Variants in CHLSN observed in about 807,000 individuals in gnomAD.
CHLSN encodes protein cholesin.
At chr7:1,076,788 G>A in the CHLSN span, among the ~76,000 whole-genome samples, 3 of 152,256 alleles carry the variant, frequency 2.0e-5, no homozygotes, top group Non-Finnish European at 4.4e-5. Flanking sequence ...AGCCGGGGGA[G>A]GAGAGCATGG....
chr7:1,091,965 G>C, the CHLSN span: 193 of 1,613,958 alleles, frequency 1.2e-4, 2 homozygotes, highest in South Asian at 2.0e-3. Context: ...GCAACATCCT[G>C]ATCCTGGTGG....
chr7:1,109,957 G>A, the CHLSN span, among the ~76,000 whole-genome samples: 2 of 152,182 alleles, frequency 1.3e-5, no homozygotes, highest in African/African-American at 4.8e-5. Flanking sequence ...GCGCAGCCTC[G>A]CCGGGCCGTG....
chr7:1,042,385 C>T, the CHLSN span, among the ~76,000 whole-genome samples: 16,257 of 152,288 alleles, frequency 0.11, 1,151 homozygotes, highest in Middle Eastern at 0.2. Flanking sequence ...CAGGGCCACA[C>T]GCCCCCCTAC....
At chr7:1,088,936 G>A in the CHLSN span, among the ~76,000 whole-genome samples, 2,531 of 152,046 alleles carry the variant, frequency 0.017, 91 homozygotes, top group East Asian at 0.17. This position sits in a 1 kb window ranked among gnomAD's most constrained non-coding sequence, Gnocchi z 4.5. Flanking sequence ...GTCTGGCAAC[G>A]ATCAAAAGAC....
the CHLSN span, among the ~76,000 whole-genome samples, chr7:1,054,241 C>T: frequency 6.6e-6 from 1 of 152,226 alleles, no homozygotes. Context: ...ACCTTCCAAC[C>T]GGCGGAGAGT....
chr7:1,055,278 G>A, the CHLSN span: 1 of 471,204 alleles, frequency 2.1e-6, no homozygotes, highest in South Asian at 1.5e-5. Flanking sequence ...ACTTACCAGA[G>A]GAAAACAAGT....
At chr7:1,072,918 A>G in the CHLSN span, among the ~76,000 whole-genome samples, 5 of 152,200 alleles carry the variant, frequency 3.3e-5, no homozygotes, top group East Asian at 7.7e-4. Context: ...TCCTGGCCTC[A>G]AGTGAGCCAC....
At chr7:1,085,226 A>C in the CHLSN span, among the ~76,000 whole-genome samples, 1 of 152,228 alleles carries the variant, frequency 6.6e-6, no homozygotes, top group South Asian at 2.1e-4. Flanking sequence ...ATTCCCCTTG[A>C]AGTTCTTTCC....
At chr7:985,380 A>G in the CHLSN span, 1 of 1,524,526 alleles carries the variant, frequency 6.6e-7, no homozygotes, top group Non-Finnish European at 8.8e-7. Context: ...ATGGGCGTGC[A>G]GCAGGAGGAC....
At chr7:1,089,936 T>A in the CHLSN span, among the ~76,000 whole-genome samples, 2 of 151,536 alleles carry the variant, frequency 1.3e-5, no homozygotes, top group African/African-American at 4.9e-5. Context: ...TATAAAACAT[T>A]AGCCAGGCGT....
At chr7:986,510 A>G in the CHLSN span, 4 of 1,257,528 alleles carry the variant, frequency 3.2e-6, no homozygotes, top group African/African-American at 6.0e-5. Flanking sequence ...CGCCTCCAGC[A>G]CATCCACCCA....
the CHLSN span, chr7:1,091,460 G>A: frequency 1.6e-5 from 7 of 444,952 alleles, no homozygotes; most frequent in South Asian, 4.3e-5. Flanking sequence ...GCCGACACCC[G>A]CAGGGACGCC....
chr7:1,106,807 G>C, the CHLSN span, among the ~76,000 whole-genome samples: 2 of 152,204 alleles, frequency 1.3e-5, no homozygotes, highest in African/African-American at 4.8e-5. Context: ...GTCTGAATCT[G>C]CCGCCCCCTT....
At chr7:1,016,534 C>T in the CHLSN span, among the ~76,000 whole-genome samples, 1,191 of 138,950 alleles carry the variant, frequency 8.6e-3, 55 homozygotes, top group African/African-American at 0.032. Flanking sequence ...CACACCAGCA[C>T]AAAGCAGCGC....
At chr7:1,115,023 T>C in the CHLSN span, among the ~76,000 whole-genome samples, 1 of 152,232 alleles carries the variant, frequency 6.6e-6, no homozygotes, top group Non-Finnish European at 1.5e-5. Context: ...GTTTCGCCTT[T>C]GTGGATACCG....
At chr7:1,020,903 G>C in the CHLSN span, among the ~76,000 whole-genome samples, 3 of 152,172 alleles carry the variant, frequency 2.0e-5, no homozygotes, top group African/African-American at 7.2e-5. Context: ...CAGCAGAGCT[G>C]GGGACTGGGG....
chr7:1,058,329 G>C, the CHLSN span: 2 of 777,568 alleles, frequency 2.6e-6, no homozygotes, highest in South Asian at 2.7e-5. Context: ...ACACTACCTG[G>C]GGCTACTGCA....
At chr7:1,018,378 C>T in the CHLSN span, among the ~76,000 whole-genome samples, 1 of 152,262 alleles carries the variant, frequency 6.6e-6, no homozygotes, top group Non-Finnish European at 1.5e-5. Context: ...CAGACCCAGA[C>T]TCAAAGTCCG....
the CHLSN span, among the ~76,000 whole-genome samples, chr7:1,088,543 C>T: frequency 1.3e-5 from 2 of 152,178 alleles, no homozygotes; most frequent in Non-Finnish European, 2.9e-5. This position sits in a 1 kb window ranked among gnomAD's most constrained non-coding sequence, Gnocchi z 4.5. Context: ...TTTGCCTGGA[C>T]GGCCTTTCTA....
Sources: gnomAD v4.1 joint callset for allele counts (sites outside exome capture counted in the v4.1 genomes callset) on GRCh38, gnomAD v4.1.1 for gene constraint, Gnocchi (gnomAD v3.1) non-coding constraint, MANE v1.5 for transcripts, NCBI Gene and HGNC (gene_info 2026-07-23, HGNC 2026-07-21) for gene names.